The following RUFY4 variants were observed in gnomAD, a reference collection of about 807,000 sequenced individuals.
RUFY4 encodes RUN and FYVE domain containing 4, also known as RUN and FYVE domain-containing protein 4.
A neutral mutation model predicts 69.0 loss-of-function variants in RUFY4; 73 were observed. That is an observed-to-expected ratio of 1.06 (90% CI 0.88 to 1.29). RUFY4 has a LOEUF of 1.29. RUFY4 is among the 50% of genes most tolerant of loss of function. The probability of loss-of-function intolerance (pLI) is 0.00; values close to 1 mark genes in which losing one functional copy is unlikely to be tolerated. For missense variants in RUFY4, 770 were observed against 705.6 expected (o/e 1.09, Z -1.03); for synonymous variants, 287 against 271.8 (o/e 1.06, Z -0.55).
At chr2:218,073,146 G>C in intron 4 of RUFY4, 97 bp from the exon 7 acceptor site, 1 of 1,444,536 alleles carries the variant, frequency 6.9e-7, no homozygotes, top group Non-Finnish European at 9.3e-7. Flanking sequence ...TGTAGTGGAG[G>C]CTGCTTTGTT....
intron 10 of RUFY4, 90 bp downstream of exon 12, chr2:218,089,452 C>A (rs1157087923): frequency 2.4e-5 from 26 of 1,098,916 alleles, no homozygotes; most frequent in Non-Finnish European, 2.9e-5. Context: ...GGGAGGGACA[C>A]AGGAACTGGG....
intron 9 of RUFY4, 34 bp downstream of exon 11, chr2:218,083,290 A>T (rs752200958): frequency 1.3e-6 from 2 of 1,549,240 alleles, no homozygotes; most frequent in South Asian, 1.2e-5. Flanking sequence ...GGGGAAACAG[A>T]TGGGGGAACG....
At chr2:218,074,752 A>G (rs1341820921) in intron 6 of RUFY4, among the ~76,000 whole-genome samples, 1 of 152,124 alleles carries the variant, frequency 6.6e-6, no homozygotes, top group Non-Finnish European at 1.5e-5. Flanking sequence ...GAAACATGAC[A>G]TGTAGTTCGG....
upstream of RUFY4, among the ~76,000 whole-genome samples, chr2:218,064,333 A>G (rs1430832288): frequency 1.3e-5 from 2 of 151,850 alleles, no homozygotes; most frequent in Non-Finnish European, 2.9e-5. Context: ...CAGACTGGCC[A>G]AGACCCTCCC....
At chr2:218,067,407 G>T (rs542126807), upstream of RUFY4, among the ~76,000 whole-genome samples, 3 of 152,324 alleles carry the variant, frequency 2.0e-5, no homozygotes, top group African/African-American at 7.2e-5. Flanking sequence ...ACTGAGCCTT[G>T]GCTCCTGAGG....
At position 218,085,553 on chromosome 2, in the gene RUFY4, G is replaced by C. The variant is rs766253980; in HGVS notation, c.1502+2297G>C. ...GCTAATTTCCAGAAGTTGGAAAATG[G>C]TTGGAGAAGTGGATACTGTGTGAAG... On this transcript the variant is annotated intron_variant, in intron 9 of 10. Transcript: ENST00000344321. Among the ~76,000 whole-genome samples the C allele has an allele frequency of 3.3e-5, 5 of 152,312 alleles. No individual in the cohort carries two copies. The East Asian group carries it at 9.6e-4, about 29-fold the overall frequency.
rs768200447 is a variant in RUFY4 at position 218,073,821 on chromosome 2, G to A, written c.536G>A (p.Arg179His). 2.7e-5 allele frequency: 43 copies of A among 1,613,886 alleles called. No individual in the cohort carries two copies. The highest frequency in any genetic ancestry group is 1.7e-4 in the Middle Eastern group (1 of 6,058). The stretch of plus-strand genomic sequence containing the variant: ...CCTGCCTCTTTCACTTTCAGGTCAC[G>A]CTGCTCCAGTTCCACCCAAACCCAG... Residue 179 changes from arginine (R) to histidine (H), a missense_variant, in exon 6 of 11, where the codon CGC (arginine) becomes CAC (histidine). Arg to His is a conservative substitution (Grantham distance 29). Transcript: ENST00000344321.
In RUFY4 at chr2:218,075,139, C is replaced by T. The variant is rs1417199996; in HGVS notation, c.647C>T (p.Ser216Leu). The change falls in exon 7 of 11, where the codon TCA becomes TTA. Residue 216 changes from serine to leucine, a missense_variant. Ser to Leu is a moderately radical substitution (Grantham distance 145). Coordinates refer to ENST00000344321, the Ensembl canonical transcript of RUFY4. Reference sequence around the variant, plus strand: ...CCTGAAAATGTCCAGATTGAGGACTCACACACCAGTCAAGCCATCTGTCTG... The same window carrying T: ...CCTGAAAATGTCCAGATTGAGGACTTACACACCAGTCAAGCCATCTGTCTG... 5 of 1,552,676 alleles carry T rather than the reference C, an allele frequency of 3.2e-6. No homozygotes were observed. In the African/African-American group the frequency reaches 5.5e-5, roughly 17 times the overall value.
At chr2:218,037,279 C>G (rs946396379) in intron 2 of RUFY4, among the ~76,000 whole-genome samples, 2 of 150,964 alleles carry the variant, frequency 1.3e-5, no homozygotes, top group East Asian at 3.9e-4. Context: ...GAGATAGCAC[C>G]ACTGCACTCC....
intron 6 of RUFY4, among the ~76,000 whole-genome samples, chr2:218,074,141 G>T (rs560693159): frequency 6.6e-6 from 1 of 152,264 alleles, no homozygotes; most frequent in East Asian, 1.9e-4. Flanking sequence ...ACTGGGCCCA[G>T]ACAAGGAGAA....
exon 7 of RUFY4, chr2:218,075,314 G>C: frequency 6.2e-7 from 1 of 1,608,350 alleles, no homozygotes. Flanking sequence ...AGGAGCTTCA[G>C]CTAGACCAGG....
chr2:218,051,408 G>A (rs1047954903), intron 2 of RUFY4, among the ~76,000 whole-genome samples: 1 of 151,856 alleles, frequency 6.6e-6, no homozygotes, highest in Non-Finnish European at 1.5e-5. Flanking sequence ...TAAAAATTAA[G>A]GTTTCTAAAA....
chr2:218,070,205 G>C, upstream of RUFY4: 1 of 272,224 alleles, frequency 3.7e-6, no homozygotes, highest in Non-Finnish European at 7.3e-6. Context: ...GGCCCTGTGG[G>C]CACAGACACC....
At chr2:218,065,952 T>A (rs1040700515), upstream of RUFY4, among the ~76,000 whole-genome samples, 33 of 142,558 alleles carry the variant, frequency 2.3e-4, no homozygotes, top group African/African-American at 8.7e-4. Context: ...CTTCAGCCAC[T>A]GGCCTAGCAG....
chr2:218,060,246 C>T, intron 3 of RUFY4: 1 of 1,242,154 alleles, frequency 8.1e-7, no homozygotes, highest in Non-Finnish European at 1.1e-6. Context: ...TGCACTGACA[C>T]TGAGACCAAG....
At chr2:218,052,559 A>G (rs1461418933) in intron 2 of RUFY4, among the ~76,000 whole-genome samples, 1 of 152,024 alleles carries the variant, frequency 6.6e-6, no homozygotes, top group Non-Finnish European at 1.5e-5. Context: ...GCTTTTCTTT[A>G]TCTTTTAAGT....
chr2:218,082,384 C>CTTT (rs1689781227), intron 8 of RUFY4, among the ~76,000 whole-genome samples: 1 of 151,618 alleles, frequency 6.6e-6, no homozygotes, highest in South Asian at 2.1e-4. Context: ...CGTCTGCCTT[C>CTTT]CCTCCAGAGA....
chr2:218,063,394 G>GC (rs2106039592), intron 3 of RUFY4, among the ~76,000 whole-genome samples: 1 of 152,288 alleles, frequency 6.6e-6, no homozygotes, highest in East Asian at 1.9e-4. Flanking sequence ...GTGAGGAAGT[G>GC]GAAAAGTCAG....
intron 8 of RUFY4, 44 bp from the exon 11 acceptor site, chr2:218,083,066 C>G: frequency 6.6e-7 from 1 of 1,516,968 alleles, no homozygotes; most frequent in Non-Finnish European, 8.8e-7. Flanking sequence ...GGCACAAAGG[C>G]TGAGCTTTGC....
Sources: allele counts gnomAD v4.1 joint callset (sites outside exome capture counted in the v4.1 genomes callset), GRCh38; gene constraint gnomAD v4.1.1; transcripts MANE v1.5; gene names NCBI Gene and HGNC (gene_info 2026-07-23, HGNC 2026-07-21).